Variants in MAK observed in about 807,000 individuals in gnomAD.
MAK encodes the protein serine/threonine-protein kinase MAK.
MAK carries 65 observed loss-of-function variants against 82.6 expected under a neutral mutation model. That is an observed-to-expected ratio of 0.79 (90% CI 0.64 to 0.97). MAK has a LOEUF of 0.97. MAK is among the 50% of genes least tolerant of loss of function. MAK has a pLI of 0.00. For synonymous variants in MAK, 250 were observed against 274.2 expected, an observed-to-expected ratio of 0.91 and a Z score of 0.87; for missense variants, 703 against 780.2, an observed-to-expected ratio of 0.90 and a Z score of 1.18.
At chr6:10,770,885 A>T (rs1402144095) in intron 13 of MAK, among the ~76,000 whole-genome samples, 1 of 152,014 alleles carries the variant, frequency 6.6e-6, no homozygotes, top group African/African-American at 2.4e-5. Flanking sequence ...ATGAGGGAGG[A>T]TGAGGGTCTG....
intron 3 of MAK, 131 bp from the exon 4 acceptor site, chr6:10,818,102 C>T (rs1018729658): frequency 5.9e-6 from 3 of 508,554 alleles, no homozygotes; most frequent in Middle Eastern, 1.1e-3. Flanking sequence ...TAATTAATTA[C>T]ATTTTAATAT....
At chr6:10,804,290 GT>G (rs370713136) in intron 6 of MAK, among the ~76,000 whole-genome samples, 3,110 of 151,936 alleles carry the variant, frequency 0.02, 88 homozygotes, top group African/African-American at 0.069. Flanking sequence ...GAGTAGTGGA[GT>G]TTTTTTTTAT....
intron 6 of MAK, 72 bp from the exon 7 acceptor site, chr6:10,803,963 G>A (rs1037143822): frequency 1.6e-5 from 21 of 1,292,448 alleles, no homozygotes; most frequent in Admixed American, 3.4e-5. Flanking sequence ...AGCATTCTAC[G>A]CTGTGTGGTC....
intron 14 of MAK, among the ~76,000 whole-genome samples, chr6:10,768,260 T>C (rs1241803432): frequency 1.3e-5 from 2 of 152,164 alleles, no homozygotes; most frequent in Admixed American, 6.5e-5. Context: ...TGAAACATTA[T>C]GATTTTCTGC....
chr6:10,814,022 T>C (rs1389302667), intron 4 of MAK, among the ~76,000 whole-genome samples: 1 of 151,922 alleles, frequency 6.6e-6, no homozygotes, highest in African/African-American at 2.4e-5. Context: ...CAGGCTGGAG[T>C]GCAGTGGCGC....
Position 10,789,751 on chromosome 6 carries a change from G to A in MAK, c.1316+1924C>T, listed in dbSNP as rs80325851. ...CGGCTCACCACAACCTCTGCCTCCT[G>A]GGTTCAAGTTTCTCCTGCCTCAGCC... On this transcript the variant is annotated intron_variant, in intron 10 of 14. Transcript: ENST00000354489. 4.4e-3 allele frequency among the ~76,000 whole-genome samples: 672 copies of A among 152,246 alleles called. 3 individuals are homozygous for A. The highest frequency in any genetic ancestry group is 0.015 in the African/African-American group (642 of 41,540).
At chr6:10,774,572 A>G (rs1773307380) in intron 12 of MAK, among the ~76,000 whole-genome samples, 2 of 152,204 alleles carry the variant, frequency 1.3e-5, no homozygotes, top group African/African-American at 4.8e-5. Flanking sequence ...ACGCTCTTCA[A>G]AATTACAGAC....
intron 5 of MAK, among the ~76,000 whole-genome samples, chr6:10,813,126 ATATATATAAAT>A (rs1777152023): frequency 7.3e-3 from 5 of 682 alleles, no homozygotes; most frequent in Non-Finnish European, 9.0e-3. Flanking sequence ...ATATATATAT[ATATATATAAAT>A]TTTTTTTTTT....
At chr6:10,766,711 G>A (rs192908295) in intron 14 of MAK, among the ~76,000 whole-genome samples, 96 of 152,182 alleles carry the variant, frequency 6.3e-4, no homozygotes, top group Non-Finnish European at 1.2e-3. Flanking sequence ...AGCGGGGAGA[G>A]AGGCAATAAG....
In MAK at chr6:10,801,224, A is replaced by T. The variant is rs74296102; in HGVS notation, c.831+668T>A. 4.3e-4 allele frequency among the ~76,000 whole-genome samples: 65 copies of T among 152,330 alleles called. No homozygotes were observed. In the East Asian group the frequency reaches 9.8e-3, roughly 23 times the overall value. Reference sequence around the variant, plus strand: ...AAAACATTTTCTCAAGATTAATTTTAAAAAAAGCAAAATAAATTTTTGTAA... The same window carrying T: ...AAAACATTTTCTCAAGATTAATTTTTAAAAAAGCAAAATAAATTTTTGTAA... On this transcript the variant is annotated intron_variant, in intron 8 of 14. Transcript: ENST00000354489.
intron 8 of MAK, among the ~76,000 whole-genome samples, chr6:10,798,792 T>A (rs943661155): frequency 6.7e-6 from 1 of 149,580 alleles, no homozygotes; most frequent in Admixed American, 6.8e-5. Flanking sequence ...AACCTAAGTT[T>A]AGAAACATTA....
At chr6:10,771,066 A>G (rs1772971862) in intron 13 of MAK, among the ~76,000 whole-genome samples, 1 of 152,120 alleles carries the variant, frequency 6.6e-6, no homozygotes, top group Non-Finnish European at 1.5e-5. Context: ...GGGGAAAGAC[A>G]TGGTACCCAG....
At position 10,798,381 on chromosome 6, in the gene MAK, A is replaced by G. The variant is rs577905698; in HGVS notation, c.832-2072T>C. Among the ~76,000 whole-genome samples, 312 of 152,102 alleles carry G rather than the reference A, an allele frequency of 2.1e-3. 2 individuals carry two copies. Among genetic ancestry groups the G allele is most frequent in the African/African-American group, 6.9e-3 (288 of 41,504 alleles). Reference sequence around the variant, plus strand: ...GCCCACCTTGGCCTCTCAAAGTGCTAGGATTACAGGTATGAGCCACTGTGC... The same window carrying G: ...GCCCACCTTGGCCTCTCAAAGTGCTGGGATTACAGGTATGAGCCACTGTGC... On this transcript the variant is annotated intron_variant, in intron 8 of 14. Transcript: ENST00000354489.
At chr6:10,779,979 C>T (rs1014900677) in intron 11 of MAK, among the ~76,000 whole-genome samples, 2 of 152,178 alleles carry the variant, frequency 1.3e-5, no homozygotes, top group Admixed American at 1.3e-4. Context: ...TGAGCCACCG[C>T]ACCCGGCCAA....
At chr6:10,767,527 C>A (rs936202073) in intron 14 of MAK, among the ~76,000 whole-genome samples, 5 of 152,132 alleles carry the variant, frequency 3.3e-5, no homozygotes, top group African/African-American at 9.6e-5. Flanking sequence ...GGGTAGAGGC[C>A]AGGTGCGGTG....
chr6:10,829,310 T>G (rs1309004469), intron 2 of MAK: 1 of 152,246 alleles, frequency 6.6e-6, no homozygotes, highest in East Asian at 1.9e-4. Flanking sequence ...GAATATAACA[T>G]ATATCATTCA....
At chr6:10,782,026 T>C (rs1348257187) in intron 11 of MAK, among the ~76,000 whole-genome samples, 1 of 152,010 alleles carries the variant, frequency 6.6e-6, no homozygotes, top group Non-Finnish European at 1.5e-5. Flanking sequence ...GCCAACATGG[T>C]GAAACCCCGT....
At chr6:10,809,996 G>A (rs2127566271) in intron 5 of MAK, among the ~76,000 whole-genome samples, 1 of 151,286 alleles carries the variant, frequency 6.6e-6, no homozygotes, top group South Asian at 2.1e-4. Flanking sequence ...TACTCAGGAG[G>A]CTGAGGCAGA....
intron 14 of MAK, 80 bp from the exon 15 acceptor site, chr6:10,764,686 T>G (rs978724961): frequency 1.0e-5 from 13 of 1,280,274 alleles, no homozygotes; most frequent in Middle Eastern, 1.9e-4. Context: ...ATCCTCTCAT[T>G]TGATGGGGAA....
Sources: allele counts gnomAD v4.1 joint callset (sites outside exome capture counted in the v4.1 genomes callset), GRCh38; gene constraint gnomAD v4.1.1; transcripts MANE v1.5; gene names NCBI Gene and HGNC (gene_info 2026-07-23, HGNC 2026-07-21).